The following TENM4 variants were observed in gnomAD, a reference collection of about 807,000 sequenced individuals.
TENM4 encodes teneurin-4.
In TENM4, 82 loss-of-function variants were observed where a neutral mutation model predicts 243.3. The ratio of observed to expected loss-of-function variants is 0.34; its 90% CI spans 0.28 to 0.40. The LOEUF is 0.40. TENM4 is among the 10% of genes least tolerant of loss of function. The pLI, the probability that TENM4 is intolerant of heterozygous loss-of-function variation, is 1.00. For missense variants in TENM4, 3,138 were observed against 3,673.3 expected (o/e 0.85, Z 3.77); for synonymous variants, 1,412 against 1,456.3 (o/e 0.97, Z 0.69).
At chr11:78,766,143 T>C (rs987275314) in intron 18 of TENM4, among the ~76,000 whole-genome samples, 3 of 152,198 alleles carry the variant, frequency 2.0e-5, no homozygotes, top group Non-Finnish European at 4.4e-5. Context: ...AGTACATCAC[T>C]CAAGGTCACA....
chr11:78,800,993 G>A (rs150719542), intron 15 of TENM4, among the ~76,000 whole-genome samples: 2 of 152,248 alleles, frequency 1.3e-5, no homozygotes, highest in African/African-American at 4.8e-5. Context: ...CTAAGATAAG[G>A]TTGTAAAGGA....
In TENM4 at chr11:79,297,493, G is replaced by A. The variant is rs1242837287; in HGVS notation, c.-270C>T. 1.0e-4 allele frequency: 16 copies of A among 152,594 alleles called. No individual in the cohort carries two copies. Among genetic ancestry groups the A allele is most frequent in the Admixed American group, 9.2e-4 (14 of 15,276 alleles). 9.5% of individuals were successfully genotyped at this position (152,594 alleles called of 1,614,324 possible). ...CTTTCAGCATCATTACTTACCTACC[G>A]ACCAAGTGTCTGAGAGATCACTAGC... On this transcript the variant is annotated 5_prime_UTR_variant, in exon 2 of 34. Coordinates refer to ENST00000278550, the MANE Select transcript of TENM4 (RefSeq NM_001098816.3).
At chr11:79,166,152 C>T (rs11237744) in intron 3 of TENM4, among the ~76,000 whole-genome samples, 17 of 152,300 alleles carry the variant, frequency 1.1e-4, no homozygotes, top group Non-Finnish European at 2.5e-4. Flanking sequence ...GTGGGCAGCA[C>T]TGAATCACAC....
chr11:78,982,975 A>G (rs1205486985), intron 6 of TENM4, among the ~76,000 whole-genome samples: 1 of 152,182 alleles, frequency 6.6e-6, no homozygotes, highest in African/African-American at 2.4e-5. Flanking sequence ...GGGTCTGAGG[A>G]GTTAGCTCCC....
chr11:79,177,394 T>G (rs1863185017), intron 3 of TENM4, among the ~76,000 whole-genome samples: 1 of 152,118 alleles, frequency 6.6e-6, no homozygotes, highest in Admixed American at 6.5e-5. Flanking sequence ...TTTCTTTTCT[T>G]TCCTTTTCCT....
intron 1 of TENM4, among the ~76,000 whole-genome samples, chr11:79,323,864 T>A (rs1413381815): frequency 4.7e-5 from 7 of 149,330 alleles, no homozygotes; most frequent in Admixed American, 3.4e-4. Context: ...TCAATCAATC[T>A]ATTTTTCTCC....
chr11:79,228,390 C>T (rs1339193848), intron 2 of TENM4, among the ~76,000 whole-genome samples: 1 of 152,188 alleles, frequency 6.6e-6, no homozygotes, highest in African/African-American at 2.4e-5. Flanking sequence ...GAAAGGACCA[C>T]CAGGTGCAGA....
intron 26 of TENM4, among the ~76,000 whole-genome samples, chr11:78,709,288 T>C (rs1257484198): frequency 6.6e-6 from 1 of 152,092 alleles, no homozygotes; most frequent in Admixed American, 6.5e-5. Context: ...TTTCTATTCT[T>C]ATTATTTTAG....
intron 6 of TENM4, among the ~76,000 whole-genome samples, chr11:78,925,342 T>C (rs951247211): frequency 2.6e-5 from 4 of 152,072 alleles, no homozygotes; most frequent in Non-Finnish European, 5.9e-5. Flanking sequence ...TGTGTGTGTG[T>C]GTTAGTAGTA....
At chr11:79,323,807 T>C (rs960628777) in intron 1 of TENM4, among the ~76,000 whole-genome samples, 1 of 152,138 alleles carries the variant, frequency 6.6e-6, no homozygotes, top group Non-Finnish European at 1.5e-5. Context: ...GCACTGCAGA[T>C]TTTGGACTTG....
intron 3 of TENM4, among the ~76,000 whole-genome samples, chr11:79,152,800 A>C (rs1862536235): frequency 6.6e-6 from 1 of 152,192 alleles, no homozygotes; most frequent in African/African-American, 2.4e-5. Flanking sequence ...AGCCTCCCAA[A>C]ATGGTCAATG....
chr11:79,385,278 C>T (rs914967062), intron 1 of TENM4, among the ~76,000 whole-genome samples: 13 of 152,174 alleles, frequency 8.5e-5, no homozygotes, highest in Admixed American at 8.5e-4. Context: ...TTCAAAGTTC[C>T]CTTCATGGTG....
intron 15 of TENM4, among the ~76,000 whole-genome samples, chr11:78,800,052 T>C (rs1357491266): frequency 6.6e-6 from 1 of 152,142 alleles, no homozygotes; most frequent in Non-Finnish European, 1.5e-5. Flanking sequence ...AAGCGTACCA[T>C]GGAAAATGCC....
At chr11:78,960,062 G>C (rs991472402) in intron 6 of TENM4, among the ~76,000 whole-genome samples, 3 of 152,042 alleles carry the variant, frequency 2.0e-5, no homozygotes, top group Non-Finnish European at 4.4e-5. Flanking sequence ...GGCAAAATGG[G>C]GAAACTGAGG....
At position 79,380,805 on chromosome 11, in the gene TENM4, T is replaced by C. The variant is rs560034750; in HGVS notation, c.-321+59704A>G. On this transcript the variant is annotated intron_variant, in intron 1 of 33. Coordinates refer to ENST00000278550, the MANE Select transcript of TENM4 (RefSeq NM_001098816.3). ...AAGGCAATAGAACCATTACTCAGAATTGAATGTTGGAGGTTCCTGGATGTG... is the reference window on the plus strand; with the variant it reads ...AAGGCAATAGAACCATTACTCAGAACTGAATGTTGGAGGTTCCTGGATGTG... Among the ~76,000 whole-genome samples the C allele has an allele frequency of 7.5e-4, 114 of 152,304 alleles. 3 individuals carry two copies. The South Asian group carries it at 0.023, about 31-fold the overall frequency.
chr11:79,077,423 AG>A (rs1190393960), intron 4 of TENM4, among the ~76,000 whole-genome samples: 5 of 152,330 alleles, frequency 3.3e-5, no homozygotes, highest in African/African-American at 9.6e-5. Flanking sequence ...GAGAGAAAAA[AG>A]TTTAGATCTG....
At position 78,665,587 on chromosome 11, in the gene TENM4, G is replaced by A. The variant is rs867940204; in HGVS notation, c.7408+3350C>T. On this transcript the variant is annotated intron_variant, in intron 32 of 33. Coordinates refer to ENST00000278550, the MANE Select transcript of TENM4 (RefSeq NM_001098816.3). ...GCACCCAGCCAATAATCTCTTTCAT[G>A]TGTGTGGTTTTGTTCTTTACAAAAT... Among the ~76,000 whole-genome samples the A allele has an allele frequency of 5.3e-5, 8 of 152,320 alleles. No homozygotes were observed. In the South Asian group the frequency reaches 8.3e-4, roughly 16 times the overall value.
chr11:79,226,897 C>T (rs980856920), intron 2 of TENM4, among the ~76,000 whole-genome samples: 3 of 152,102 alleles, frequency 2.0e-5, no homozygotes, highest in East Asian at 1.9e-4. Flanking sequence ...TGAACAAAAG[C>T]GGGTGGGTGG....
intron 4 of TENM4, among the ~76,000 whole-genome samples, chr11:79,120,483 C>T (rs1201949515): frequency 2.6e-5 from 4 of 152,200 alleles, no homozygotes; most frequent in Non-Finnish European, 4.4e-5. Context: ...TAATCAAAAT[C>T]AGACGTTTCT....
Sources: gnomAD v4.1 joint callset for allele counts (sites outside exome capture counted in the v4.1 genomes callset) on GRCh38, gnomAD v4.1.1 for gene constraint, MANE v1.5 for transcripts, NCBI Gene and HGNC (gene_info 2026-07-23, HGNC 2026-07-21) for gene names.